CCDC7: variants seen among roughly 807,000 people sequenced by gnomAD.
CCDC7 encodes coiled-coil domain-containing protein 7.
Under a neutral mutation model 196.9 loss-of-function variants are expected in CCDC7, and 183 were observed. That is an observed-to-expected ratio of 0.93 (90% CI 0.82 to 1.05). The LOEUF is 1.05. Among genes scored for constraint, CCDC7 ranks in the 50% least tolerant of loss-of-function variants. The pLI, the probability that CCDC7 is intolerant of heterozygous loss-of-function variation, is 0.00. For missense variants in CCDC7, 1,540 were observed against 1,482.2 expected, an observed-to-expected ratio of 1.04 and a Z score of -0.64; for synonymous variants, 525 against 484.6, an observed-to-expected ratio of 1.08 and a Z score of -1.10.
chr10:32,467,950 G>A (rs926583591), intron 5 of CCDC7, among the ~76,000 whole-genome samples: 1 of 152,076 alleles, frequency 6.6e-6, no homozygotes, highest in African/African-American at 2.4e-5. Context: ...CTATGTGTCT[G>A]GTTTTGTGCC....
At chr10:32,660,570 A>G (rs1483023281) in intron 20 of CCDC7, among the ~76,000 whole-genome samples, 71 of 139,408 alleles carry the variant, frequency 5.1e-4, no homozygotes, top group Non-Finnish European at 7.1e-4. Flanking sequence ...ATTGTGAATA[A>G]TGCCGCAATA....
chr10:32,486,426 A>G (rs927498081), intron 8 of CCDC7, among the ~76,000 whole-genome samples: 36 of 151,582 alleles, frequency 2.4e-4, no homozygotes, highest in African/African-American at 8.5e-4. Context: ...AATACAGCAC[A>G]CTGATGGGTC....
intron 24 of CCDC7, among the ~76,000 whole-genome samples, chr10:32,700,122 C>T (rs1018739489): frequency 2.7e-5 from 4 of 149,406 alleles, no homozygotes; most frequent in South Asian, 2.1e-4. Flanking sequence ...GACATGAAGT[C>T]CTTGCCCATG....
Position 32,829,608 on chromosome 10 carries a change from C to T in CCDC7, c.3268+5004C>T, listed in dbSNP as rs149804288. ...GGTTATATGAAGGATAGTTGTATCA[C>T]GTTAGGCATAATTATGACTTTATTA... On this transcript the variant is annotated intron_variant, in intron 32 of 41. Transcript: ENST00000639629. 1.4e-3 allele frequency among the ~76,000 whole-genome samples: 217 copies of T among 152,182 alleles called. 2 individuals carry two copies. Among genetic ancestry groups the T allele is most frequent in the African/African-American group, 5.0e-3 (206 of 41,538 alleles).
At chr10:32,793,634 A>G (rs916808811) in intron 29 of CCDC7, among the ~76,000 whole-genome samples, 1 of 152,226 alleles carries the variant, frequency 6.6e-6, no homozygotes, top group East Asian at 1.9e-4. Flanking sequence ...ATTTGTTTCA[A>G]GAAATTTTAC....
intron 28 of CCDC7, among the ~76,000 whole-genome samples, chr10:32,744,747 A>T (rs1032144008): frequency 5.3e-5 from 8 of 152,146 alleles, no homozygotes; most frequent in African/African-American, 1.9e-4. Context: ...TTTGCAATGT[A>T]ATTTCCCAAC....
chr10:32,875,176 G>A (rs78782674), intron 41 of CCDC7, among the ~76,000 whole-genome samples: 5,479 of 152,080 alleles, frequency 0.036, 104 homozygotes, highest in Non-Finnish European at 0.049. Context: ...CCAGTACCAT[G>A]CTTTTGGCAT....
At chr10:32,631,452 CT>C (rs1353531140) in intron 18 of CCDC7, among the ~76,000 whole-genome samples, 2 of 152,096 alleles carry the variant, frequency 1.3e-5, no homozygotes, top group Non-Finnish European at 2.9e-5. Flanking sequence ...GAAAAAATTG[CT>C]TGGCCATAAA....
intron 24 of CCDC7, among the ~76,000 whole-genome samples, chr10:32,696,275 C>A (rs2077715079): frequency 1.3e-5 from 2 of 152,040 alleles, no homozygotes; most frequent in African/African-American, 2.4e-5. Context: ...TGGTGGTGGC[C>A]TCCAACTGAA....
chr10:32,556,802 C>G (rs529647016), intron 13 of CCDC7, among the ~76,000 whole-genome samples: 22 of 152,190 alleles, frequency 1.4e-4, no homozygotes, highest in Non-Finnish European at 2.5e-4. Context: ...TCAGAGAACA[C>G]TATCAGGGTC....
intron 18 of CCDC7, among the ~76,000 whole-genome samples, chr10:32,596,115 G>A (rs1468962162): frequency 1.3e-5 from 2 of 152,064 alleles, no homozygotes; most frequent in African/African-American, 4.8e-5. Flanking sequence ...TTTCTGTCTG[G>A]TCGATCTGTC....
intron 14 of CCDC7, 74 bp from the exon 16 acceptor site, chr10:32,567,596 G>T (rs1589991332): frequency 6.8e-7 from 1 of 1,462,240 alleles, no homozygotes; most frequent in South Asian, 1.4e-5. Context: ...AATATATGTA[G>T]ATTCCTGAAT....
intron 20 of CCDC7, among the ~76,000 whole-genome samples, chr10:32,636,690 T>C (rs977310023): frequency 3.3e-5 from 5 of 152,182 alleles, no homozygotes; most frequent in South Asian, 2.1e-4. Context: ...AATAAACATA[T>C]GTGTGCATGT....
At chr10:32,659,758 A>G (rs1390197825) in intron 20 of CCDC7, among the ~76,000 whole-genome samples, 3 of 152,214 alleles carry the variant, frequency 2.0e-5, no homozygotes. Context: ...AGAGAAATGC[A>G]AATGAAAACC....
intron 41 of CCDC7, among the ~76,000 whole-genome samples, chr10:32,858,584 T>C (rs1593519015): frequency 1.3e-5 from 2 of 152,310 alleles, no homozygotes; most frequent in South Asian, 4.1e-4. Flanking sequence ...TCCCCCATGA[T>C]GGTCTCAGTT....
chr10:32,658,072 C>A (rs1201123833), intron 20 of CCDC7, among the ~76,000 whole-genome samples: 1 of 152,174 alleles, frequency 6.6e-6, no homozygotes, highest in Non-Finnish European at 1.5e-5. Flanking sequence ...AGCATTTTGG[C>A]CAAAGCCATT....
intron 28 of CCDC7, among the ~76,000 whole-genome samples, chr10:32,744,710 G>A (rs2074415924): frequency 6.6e-6 from 1 of 152,028 alleles, no homozygotes; most frequent in Admixed American, 6.6e-5. Flanking sequence ...GCATATTTTG[G>A]GTAACAGTCT....
At chr10:32,795,596 G>T (rs1248894532) in intron 29 of CCDC7, among the ~76,000 whole-genome samples, 1 of 151,972 alleles carries the variant, frequency 6.6e-6, no homozygotes, top group Non-Finnish European at 1.5e-5. Context: ...AAGAAGTCAT[G>T]GTTCCTTGTT....
At chr10:32,858,564 T>A (rs1266791819) in intron 41 of CCDC7, among the ~76,000 whole-genome samples, 1 of 152,112 alleles carries the variant, frequency 6.6e-6, no homozygotes, top group Non-Finnish European at 1.5e-5. Context: ...CACAGCATAA[T>A]CTCAGATGAT....
Sources: gnomAD v4.1 joint callset for allele counts (sites outside exome capture counted in the v4.1 genomes callset) on GRCh38, gnomAD v4.1.1 for gene constraint, MANE v1.5 for transcripts, NCBI Gene and HGNC (gene_info 2026-07-23, HGNC 2026-07-21) for gene names.